Variants in KCND3 observed in about 807,000 individuals in gnomAD.
KCND3 encodes A-type voltage-gated potassium channel KCND3.
A neutral mutation model predicts 51.1 loss-of-function variants in KCND3; 9 were observed. The ratio of observed to expected loss-of-function variants is 0.18; its 90% CI spans 0.11 to 0.31. The LOEUF is 0.31. KCND3 is among the 10% of genes least tolerant of loss of function. The pLI is 1.00. For missense variants in KCND3, 526 were observed against 903.8 expected (o/e 0.58, Z 5.36); for synonymous variants, 349 against 368.0 (o/e 0.95, Z 0.59).
chr1:111,987,168 C>T (rs1675328775), intron 1 of KCND3, among the ~76,000 whole-genome samples: 1 of 152,084 alleles, frequency 6.6e-6, no homozygotes, highest in Non-Finnish European at 1.5e-5. Context: ...ACCCTGATTC[C>T]CAAGCTTTAA....
chr1:111,919,916 G>A (rs1435469299), intron 2 of KCND3, among the ~76,000 whole-genome samples: 1 of 152,192 alleles, frequency 6.6e-6, no homozygotes, highest in Non-Finnish European at 1.5e-5. Flanking sequence ...CCTTGAAGGG[G>A]CCAGCCTGGA....
Position 111,775,914 on chromosome 1 carries a change from G to T in KCND3, c.*163C>A. 1 of 765,606 alleles carries T rather than the reference G, an allele frequency of 1.3e-6. No homozygotes were observed. 47.4% of individuals were successfully genotyped at this position (765,606 alleles called of 1,614,324 possible). ...CAGCGTGAACCTCAGGTGCCCCTTT[G>T]CTACCTCTTTTTCCTTCCAGGCACA... On this transcript the variant is annotated 3_prime_UTR_variant, in exon 8 of 8. Transcript: ENST00000302127.
chr1:111,981,791 G>A lies in KCND3; in HGVS notation c.936C>T (p.Tyr312=), dbSNP rs1356087250. 1.2e-6 allele frequency: 2 copies of A among 1,614,058 alleles called. No individual in the cohort carries two copies. The highest frequency in any genetic ancestry group is 2.7e-5 in the African/African-American group (2 of 74,920). ...RHSQGLRILG[Y]TLKSCASELG... ...GTTCGGAGGCACAGCTCTTCAGTGT[G>A]TAGCCCAGGATCCGCAGGCCCTGGG... The change falls in exon 2 of 8, where the codon TAC becomes TAT. Residue 312 remains tyrosine (Y), a synonymous_variant. Transcript: ENST00000302127. The surrounding 1 kb of genome is among the most constrained non-coding windows in gnomAD (Gnocchi z 6.2).
In KCND3 at chr1:111,775,819, A is replaced by AACCCCCCCCCCCCCCCCCCCACC; in HGVS notation, c.*257_*258insGGTGGGGGGGGGGGGGGGGGGGT. 1.0e-5 allele frequency: 1 copy of AACCCCCCCCCCCCCCCCCCCACC among 97,706 alleles called. No homozygotes were observed. Among genetic ancestry groups the AACCCCCCCCCCCCCCCCCCCACC allele is most frequent in the Non-Finnish European group, 2.0e-5 (1 of 51,262 alleles). The allele number at this position is 97,706 out of a possible 1,614,324, so 6.1% of individuals were successfully genotyped here. ...GCCTATATCCCCCGGCCTATCCCCG[A>AACCCCCCCCCCCCCCCCCCCACC]CCCCCCCACCCTCCCTCCCTTCCTC... On this transcript the variant is annotated 3_prime_UTR_variant, in exon 8 of 8. Coordinates refer to ENST00000302127, the MANE Select transcript of KCND3 (RefSeq NM_001378969.1).
At position 111,950,169 on chromosome 1, in the gene KCND3, C is replaced by T. The variant is rs138910959; in HGVS notation, c.1106+31452G>A. Reference sequence around the variant, plus strand: ...CAGGTGATCCACCTGCCTCAGCCTCCCGAAGTGCTGGGATTACAGGCATGA... The same window carrying T: ...CAGGTGATCCACCTGCCTCAGCCTCTCGAAGTGCTGGGATTACAGGCATGA... On this transcript the variant is annotated intron_variant, in intron 2 of 7. Transcript: ENST00000302127. Among the ~76,000 whole-genome samples the T allele has an allele frequency of 7.7e-3, 1,175 of 152,350 alleles. 15 individuals are homozygous for T. The highest frequency in any genetic ancestry group is 0.026 in the African/African-American group (1,095 of 41,576).
chr1:111,960,738 C>T (rs760660579), intron 2 of KCND3, among the ~76,000 whole-genome samples: 1 of 152,252 alleles, frequency 6.6e-6, no homozygotes. Flanking sequence ...AACACTTTCT[C>T]TCCAACCCCT....
chr1:111,970,374 T>C (rs1463557591), intron 2 of KCND3, among the ~76,000 whole-genome samples: 4 of 152,242 alleles, frequency 2.6e-5, no homozygotes, highest in Non-Finnish European at 5.9e-5. Flanking sequence ...CAGATACGTC[T>C]TTGGCCTCCA....
Position 111,780,965 on chromosome 1 carries a change from G to T in KCND3, c.1270-174C>A, listed in dbSNP as rs561429293. 1.3e-5 allele frequency among the ~76,000 whole-genome samples: 2 copies of T among 152,254 alleles called. No homozygotes were observed. Among genetic ancestry groups the T allele is most frequent in the African/African-American group, 4.8e-5 (2 of 41,542 alleles). ...GTACCCACTTTGTATAGCTTGGTTG[G>T]GTCAGAATTCCCAGGAGTCTCCACT... On this transcript the variant is annotated intron_variant, in intron 3 of 7. Transcript: ENST00000302127. The surrounding 1 kb of genome is among the most constrained non-coding windows in gnomAD (Gnocchi z 4.2).
At chr1:111,968,163 A>G (rs555953694) in intron 2 of KCND3, among the ~76,000 whole-genome samples, 2 of 152,340 alleles carry the variant, frequency 1.3e-5, no homozygotes, top group Non-Finnish European at 2.9e-5. Flanking sequence ...TGAGCATGCC[A>G]GCTGGGCTGC....
At position 111,888,169 on chromosome 1, in the gene KCND3, G is replaced by A. The variant is rs577892539; in HGVS notation, c.1106+93452C>T. Among the ~76,000 whole-genome samples, 7 of 152,368 alleles carry A rather than the reference G, an allele frequency of 4.6e-5. No individual in the cohort carries two copies. The East Asian group carries it at 1.3e-3, about 29-fold the overall frequency. On this transcript the variant is annotated intron_variant, in intron 2 of 7. Coordinates refer to ENST00000302127, the MANE Select transcript of KCND3 (RefSeq NM_001378969.1). ...GGGAGGGAAGAGGGATGGGACTTAC[G>A]CAGTGGATGCCTGGCAGGGGCAGCA...
intron 2 of KCND3, among the ~76,000 whole-genome samples, chr1:111,935,012 G>C (rs539495391): frequency 1.3e-5 from 2 of 152,212 alleles, no homozygotes; most frequent in African/African-American, 4.8e-5. Flanking sequence ...TGTCACCTTT[G>C]CTTCTTGACT....
chr1:111,873,003 C>T (rs950656739), intron 2 of KCND3, among the ~76,000 whole-genome samples: 2 of 152,202 alleles, frequency 1.3e-5, no homozygotes, highest in Non-Finnish European at 2.9e-5. Context: ...TTATTTTTGC[C>T]TCTGATCCTT....
intron 2 of KCND3, among the ~76,000 whole-genome samples, chr1:111,866,418 C>T: frequency 6.6e-6 from 1 of 151,948 alleles, no homozygotes; most frequent in Non-Finnish European, 1.5e-5. Flanking sequence ...GAGTGCGCCA[C>T]CATGCCCAGT....
Position 111,816,137 on chromosome 1 carries a change from C to T in KCND3, c.1107-29031G>A, listed in dbSNP as rs188836355. Among the ~76,000 whole-genome samples, 87 of 152,376 alleles carry T rather than the reference C, an allele frequency of 5.7e-4. 1 individual carries two copies. The East Asian group carries it at 0.017, about 29-fold the overall frequency. On this transcript the variant is annotated intron_variant, in intron 2 of 7. Coordinates refer to ENST00000302127, the MANE Select transcript of KCND3 (RefSeq NM_001378969.1). Reference sequence around the variant, plus strand: ...GAAGAAACAAAGGCATAGGGCATTTCTGTGACTTAGCCCAGGCCCAAAGCT... The same window carrying T: ...GAAGAAACAAAGGCATAGGGCATTTTTGTGACTTAGCCCAGGCCCAAAGCT...
intron 2 of KCND3, among the ~76,000 whole-genome samples, chr1:111,844,453 A>G (rs116047989): frequency 1.5e-3 from 234 of 152,256 alleles, no homozygotes; most frequent in South Asian, 3.1e-3. Flanking sequence ...CTGGTCGCTG[A>G]GAACCTTGGC....
intron 2 of KCND3, among the ~76,000 whole-genome samples, chr1:111,826,354 T>C (rs146445138): frequency 6.6e-6 from 1 of 152,250 alleles, no homozygotes; most frequent in Non-Finnish European, 1.5e-5. Context: ...GAATTTCTTG[T>C]TCTAATTTCA....
At chr1:111,806,862 T>C (rs921983473) in intron 2 of KCND3, among the ~76,000 whole-genome samples, 2 of 152,144 alleles carry the variant, frequency 1.3e-5, no homozygotes, top group Non-Finnish European at 2.9e-5. Flanking sequence ...ATAGGAAGCC[T>C]AAATAAATAC....
chr1:111,821,662 C>T (rs1666352058), intron 2 of KCND3, among the ~76,000 whole-genome samples: 2 of 152,160 alleles, frequency 1.3e-5, no homozygotes, highest in Non-Finnish European at 2.9e-5. Flanking sequence ...AGCTTCTCCT[C>T]ACCACCCCCA....
chr1:111,910,328 T>A (rs1213201446), intron 2 of KCND3: 1 of 152,264 alleles, frequency 6.6e-6, no homozygotes, highest in East Asian at 1.9e-4. Flanking sequence ...GTGAACAGTC[T>A]TTCAAGGCTC....
Sources: allele counts gnomAD v4.1 joint callset (sites outside exome capture counted in the v4.1 genomes callset), GRCh38; gene constraint gnomAD v4.1.1; non-coding constraint Gnocchi (gnomAD v3.1); transcripts MANE v1.5; gene names NCBI Gene and HGNC (gene_info 2026-07-23, HGNC 2026-07-21).